The following ADGRL3 variants were observed in gnomAD, a reference collection of about 807,000 sequenced individuals.
ADGRL3 encodes the protein adhesion G protein-coupled receptor L3.
A neutral mutation model predicts 153.5 loss-of-function variants in ADGRL3; 62 were observed. That is an observed-to-expected ratio of 0.40 (90% CI 0.33 to 0.50). The LOEUF (loss-of-function observed/expected upper bound fraction) is 0.50, where lower values mean the gene tolerates loss of function less well. Ranked by LOEUF, ADGRL3 falls within the 20% of genes least tolerant of loss-of-function variation. ADGRL3 has a pLI of 0.47. For missense variants in ADGRL3, 1,641 were observed against 1,859.4 expected (o/e 0.88, Z 2.16); for synonymous variants, 710 against 672.5 (o/e 1.06, Z -0.86).
At chr4:61,715,836 G>A (rs1237920794) in intron 6 of ADGRL3, among the ~76,000 whole-genome samples, 1 of 151,062 alleles carries the variant, frequency 6.6e-6, no homozygotes, top group African/African-American at 2.4e-5. Flanking sequence ...TTGCATGCTT[G>A]GCCAATTGGT....
At chr4:61,709,086 G>C (rs2095911887) in intron 6 of ADGRL3, among the ~76,000 whole-genome samples, 1 of 152,068 alleles carries the variant, frequency 6.6e-6, no homozygotes, top group South Asian at 2.1e-4. Flanking sequence ...TGGGATTCAA[G>C]GTGTGAGCCA....
intron 25 of ADGRL3, among the ~76,000 whole-genome samples, chr4:62,060,430 G>T (rs991054624): frequency 6.6e-6 from 1 of 151,816 alleles, no homozygotes; most frequent in Non-Finnish European, 1.5e-5. Flanking sequence ...ATCTTTGAGG[G>T]AGTGTAAAGA....
rs1217248531 is a variant in ADGRL3, at chr4:61,983,387, C to T, written c.3020C>T (p.Ala1007Val). 10 of 1,612,906 alleles carry T rather than the reference C, an allele frequency of 6.2e-6. No individual in the cohort carries two copies. The highest frequency in any genetic ancestry group is 2.2e-5 in the East Asian group (1 of 44,848). Residue 1007 changes from alanine (A) to valine (V), a missense_variant, in exon 19 of 27, where the codon GCC (alanine) becomes GTC (valine). Coordinates refer to ENST00000683033, the MANE Select transcript of ADGRL3 (RefSeq NM_001387552.1). ...ATCATTTGTTCCTTTTCCTAGATTGCCTGTGCTGTTTTCGCTGCCCTGTTA... is the reference window on the plus strand; with the variant it reads ...ATCATTTGTTCCTTTTCCTAGATTGTCTGTGCTGTTTTCGCTGCCCTGTTA... ...IGINRTDQPI[A>V]CAVFAALLHF...
intron 25 of ADGRL3, among the ~76,000 whole-genome samples, chr4:62,064,808 C>T (rs961997178): frequency 6.6e-6 from 1 of 151,730 alleles, no homozygotes; most frequent in East Asian, 1.9e-4. Flanking sequence ...CTGAGCTTCC[C>T]CAGGAGGCAT....
intron 8 of ADGRL3, among the ~76,000 whole-genome samples, chr4:61,803,610 G>A (rs1466460952): frequency 6.6e-6 from 1 of 151,966 alleles, no homozygotes; most frequent in Non-Finnish European, 1.5e-5. Context: ...AATATAATAG[G>A]AACCAAATGA....
At chr4:61,805,105 G>A (rs2148489735) in intron 8 of ADGRL3, among the ~76,000 whole-genome samples, 1 of 151,868 alleles carries the variant, frequency 6.6e-6, no homozygotes, top group Admixed American at 6.6e-5. Context: ...ACAGGTGCAT[G>A]CCACCATGCC....
chr4:61,823,619 GA>G lies in ADGRL3; in HGVS notation c.1480+9732del, dbSNP rs372701351. 7.9e-5 allele frequency among the ~76,000 whole-genome samples: 12 copies of G among 152,266 alleles called. 1 individual carries two copies. The highest frequency in any genetic ancestry group is 2.6e-4 in the African/African-American group (11 of 41,544). ...GTGAATGAGAAAACTGAGACATAGAGAAGTTGTTTAACTTTATAAAGGTAAG... is the reference window on the plus strand; with the variant it reads ...GTGAATGAGAAAACTGAGACATAGAGAGTTGTTTAACTTTATAAAGGTAAG... On this transcript the variant is annotated intron_variant, in intron 9 of 26. Coordinates refer to ENST00000683033, the MANE Select transcript of ADGRL3 (RefSeq NM_001387552.1).
intron 25 of ADGRL3, among the ~76,000 whole-genome samples, chr4:62,053,436 A>G (rs184892039): frequency 2.0e-5 from 3 of 151,650 alleles, no homozygotes. Flanking sequence ...ATTTTTTATA[A>G]TAAGCTTTCT....
chr4:61,963,511 G>A (rs1427402553), intron 17 of ADGRL3, among the ~76,000 whole-genome samples: 1 of 152,140 alleles, frequency 6.6e-6, no homozygotes, highest in African/African-American at 2.4e-5. Flanking sequence ...AGAGCATGCA[G>A]TGTTTGGTTT....
At chr4:62,061,888 G>T (rs1740402501) in intron 25 of ADGRL3, among the ~76,000 whole-genome samples, 1 of 152,024 alleles carries the variant, frequency 6.6e-6, no homozygotes, top group African/African-American at 2.4e-5. Context: ...GTTGTTTCCA[G>T]TTTGGAGCTA....
intron 8 of ADGRL3, among the ~76,000 whole-genome samples, chr4:61,760,246 G>T (rs535314286): frequency 1.3e-5 from 2 of 152,274 alleles, no homozygotes; most frequent in Non-Finnish European, 2.9e-5. Flanking sequence ...GCTATTCCCT[G>T]CCCCCAGAGG....
At chr4:61,354,749 T>G (rs1253506000) in intron 1 of ADGRL3, among the ~76,000 whole-genome samples, 1 of 152,120 alleles carries the variant, frequency 6.6e-6, no homozygotes, top group Non-Finnish European at 1.5e-5. Context: ...GAAATTAGCA[T>G]GATTTATTAG....
At position 61,486,527 on chromosome 4, in the gene ADGRL3, G is replaced by A. The variant is rs1291630030; in HGVS notation, c.-173-10594G>A. On this transcript the variant is annotated intron_variant, in intron 2 of 26. Coordinates refer to ENST00000683033, the MANE Select transcript of ADGRL3 (RefSeq NM_001387552.1). ...AATCCAGCAAATATTAGAAACATTC[G>A]AGGATACGTTGACCTATCATATACC... is the stretch of plus-strand genomic sequence containing the variant. 7.9e-5 allele frequency among the ~76,000 whole-genome samples: 12 copies of A among 152,038 alleles called. No individual in the cohort carries two copies. The East Asian group carries it at 2.1e-3, about 27-fold the overall frequency.
intron 2 of ADGRL3, among the ~76,000 whole-genome samples, chr4:61,478,271 T>C (rs542957665): frequency 1.3e-4 from 20 of 152,174 alleles, no homozygotes; most frequent in Non-Finnish European, 2.5e-4. Flanking sequence ...CAAGCTCACA[T>C]TGAGGTATGT....
chr4:61,250,675 G>A (rs981235409), intron 1 of ADGRL3, among the ~76,000 whole-genome samples: 10 of 152,072 alleles, frequency 6.6e-5, no homozygotes, highest in African/African-American at 1.2e-4. Flanking sequence ...CATTTTTGAC[G>A]TGCATGCTTA....
At chr4:61,827,707 T>C (rs6842293) in intron 9 of ADGRL3, among the ~76,000 whole-genome samples, 22,416 of 152,130 alleles carry the variant, frequency 0.15, 1,760 homozygotes, top group African/African-American at 0.2. Flanking sequence ...CCTCCTTGAT[T>C]GTTTAGAATT....
chr4:61,492,379 A>G (rs1467493341), intron 2 of ADGRL3, among the ~76,000 whole-genome samples: 1 of 152,128 alleles, frequency 6.6e-6, no homozygotes, highest in Non-Finnish European at 1.5e-5. Flanking sequence ...AAAAGGTACA[A>G]TCATATTCAG....
intron 18 of ADGRL3, among the ~76,000 whole-genome samples, chr4:61,980,953 G>A (rs575984846): frequency 6.6e-6 from 1 of 152,252 alleles, no homozygotes; most frequent in Non-Finnish European, 1.5e-5. Flanking sequence ...ATGTGTGCAG[G>A]TTTTTGTGTG....
chr4:61,562,028 G>T (rs2148986862), intron 4 of ADGRL3, among the ~76,000 whole-genome samples: 1 of 152,036 alleles, frequency 6.6e-6, no homozygotes, highest in East Asian at 1.9e-4. Flanking sequence ...AGATATTGAG[G>T]GTTTGGTTCT....
Sources: allele counts gnomAD v4.1 joint callset (sites outside exome capture counted in the v4.1 genomes callset), GRCh38; gene constraint gnomAD v4.1.1; transcripts MANE v1.5; gene names NCBI Gene and HGNC (gene_info 2026-07-23, HGNC 2026-07-21).